Variants in SQSTM1 observed in about 807,000 individuals in gnomAD.
The protein encoded by SQSTM1 is sequestosome 1.
A neutral mutation model predicts 45.1 loss-of-function variants in SQSTM1; 36 were observed. The ratio of observed to expected loss-of-function variants is 0.80; its 90% CI spans 0.61 to 1.05. The LOEUF (loss-of-function observed/expected upper bound fraction) is 1.05, where lower values mean the gene tolerates loss of function less well. Ranked by LOEUF, SQSTM1 falls within the 50% of genes least tolerant of loss-of-function variation. The pLI is 0.00. For missense variants in SQSTM1, 617 were observed against 607.1 expected, an observed-to-expected ratio of 1.02 and a Z score of -0.17; for synonymous variants, 290 against 244.3, an observed-to-expected ratio of 1.19 and a Z score of -1.74.
intron 5 of SQSTM1, among the ~76,000 whole-genome samples, chr5:179,826,879 C>G (rs1758015590): frequency 6.6e-6 from 1 of 152,090 alleles, no homozygotes; most frequent in African/African-American, 2.4e-5. Flanking sequence ...CCGAGCCCGG[C>G]CAAGAATCAG....
Position 179,837,186 on chromosome 5 carries a change from A to G in SQSTM1, c.*593A>G. On this transcript the variant is annotated 3_prime_UTR_variant, in exon 8 of 8. Coordinates refer to ENST00000389805, the MANE Select transcript of SQSTM1 (RefSeq NM_003900.5). ...CAAACCATCAGCTGCTTTTAAAATA[A>G]GATCTCTTTGTAGCCATCCTGTTAA... 6.5e-7 allele frequency: 1 copy of G among 1,531,036 alleles called. No homozygotes were observed. Among genetic ancestry groups the G allele is most frequent in the Non-Finnish European group, 8.8e-7 (1 of 1,137,024 alleles). 94.8% of individuals were successfully genotyped at this position (1,531,036 alleles called of 1,614,324 possible). A position where few individuals can be genotyped will look rare whatever the true frequency, so the allele number is the denominator to read the frequency against.
chr5:179,836,610 C>T lies in SQSTM1; in HGVS notation c.*17C>T, dbSNP rs779531319. On this transcript the variant is annotated 3_prime_UTR_variant, in exon 8 of 8. Coordinates refer to ENST00000389805, the MANE Select transcript of SQSTM1 (RefSeq NM_003900.5). ...CCGTTGTGACCACTTTTGCCCACCT[C>T]TTCTGCGTGCCCCTCTTCTGTCTCA... The T allele has an allele frequency of 6.2e-7, 1 of 1,611,686 alleles. No homozygotes were observed. Among genetic ancestry groups the T allele is most frequent in the Admixed American group, 1.7e-5 (1 of 59,934 alleles).
At chr5:179,821,219 C>T in intron 1 of SQSTM1, 78 bp downstream of exon 1, 1 of 1,275,878 alleles carries the variant, frequency 7.8e-7, no homozygotes, top group Non-Finnish European at 1.0e-6. Flanking sequence ...TGCCCCCTCC[C>T]TTCTCGGCGA....
Position 179,821,105 on chromosome 5 carries a change from G to A in SQSTM1, c.169G>A (p.Ala57Thr). The A allele has an allele frequency of 7.1e-7, 1 of 1,412,554 alleles. No individual in the cohort carries two copies. 87.5% of individuals were successfully genotyped at this position (1,412,554 alleles called of 1,614,324 possible). The change falls in exon 1 of 8, where the codon GCG (alanine) becomes ACG (threonine). Residue 57 changes from alanine (A) to threonine (T), a missense_variant. Transcript: ENST00000389805. Reference protein sequence around the residue: ...LLSRVAALFPALRPGGFQAHY... With the variant: ...LLSRVAALFPTLRPGGFQAHY... ...GAGCCGGGTGGCCGCCCTGTTCCCCGCGCTGCGGCCTGGCGGCTTCCAGGC... is the reference window on the plus strand; with the variant it reads ...GAGCCGGGTGGCCGCCCTGTTCCCCACGCTGCGGCCTGGCGGCTTCCAGGC...
chr5:179,810,116 TATTTTTTA>T (rs965217351), intron 1 of SQSTM1, among the ~76,000 whole-genome samples: 5 of 152,146 alleles, frequency 3.3e-5, no homozygotes, highest in Non-Finnish European at 5.9e-5. Context: ...TTTAAATTTT[TATTTTTTA>T]ATTTTTTATT....
At chr5:179,822,712 G>T in intron 1 of SQSTM1, 1 of 544,064 alleles carries the variant, frequency 1.8e-6, no homozygotes, top group Non-Finnish European at 3.4e-6. Flanking sequence ...TGCTGCCCCT[G>T]TGCACAGGCC....
At chr5:179,811,041 G>A (rs1002140006) in intron 1 of SQSTM1, among the ~76,000 whole-genome samples, 3 of 152,162 alleles carry the variant, frequency 2.0e-5, no homozygotes, top group African/African-American at 7.2e-5. Flanking sequence ...AGGAGACCGA[G>A]ACCATCTTAG....
At chr5:179,810,392 GT>G (rs1236833959) in intron 1 of SQSTM1, among the ~76,000 whole-genome samples, 3 of 152,112 alleles carry the variant, frequency 2.0e-5, no homozygotes, top group African/African-American at 7.2e-5. Context: ...CCTTGTGATA[GT>G]TTGCTCAGAA....
rs912298908 is a variant in SQSTM1, at chr5:179,832,947, C to T, written c.755-85C>T. 4 of 1,353,788 alleles carry T rather than the reference C, an allele frequency of 3.0e-6. No individual in the cohort carries two copies. In the African/African-American group the frequency reaches 4.3e-5, roughly 15 times the overall value. 83.9% of individuals were successfully genotyped at this position (1,353,788 alleles called of 1,614,324 possible). On this transcript the variant is annotated intron_variant, in intron 5 of 7. Coordinates refer to ENST00000389805, the MANE Select transcript of SQSTM1 (RefSeq NM_003900.5). ...ACTGAACGTTGAGATCTTCGTGAGTCTGTAGTCTCCACAGGCCAAGCTCCT... is the reference window on the plus strand; with the variant it reads ...ACTGAACGTTGAGATCTTCGTGAGTTTGTAGTCTCCACAGGCCAAGCTCCT...
chr5:179,809,736 C>CG (rs1450253138), intron 1 of SQSTM1, among the ~76,000 whole-genome samples: 1 of 150,452 alleles, frequency 6.6e-6, no homozygotes, highest in African/African-American at 2.5e-5. Context: ...CTCCGCTTCC[C>CG]GGGTTCAAGC....
At chr5:179,816,414 G>A (rs998350560), upstream of SQSTM1, among the ~76,000 whole-genome samples, 1 of 111,530 alleles carries the variant, frequency 9.0e-6, no homozygotes, top group Non-Finnish European at 1.8e-5. Context: ...TCCCAGTGCT[G>A]GGACTACAGG....
At chr5:179,819,351 C>T (rs1230458087), upstream of SQSTM1, among the ~76,000 whole-genome samples, 5 of 151,268 alleles carry the variant, frequency 3.3e-5, no homozygotes, top group Admixed American at 3.3e-4. Context: ...TCTTCACATG[C>T]CCCTAGCCCC....
In SQSTM1 at chr5:179,836,804, G is replaced by C; in HGVS notation, c.*211G>C. 1 of 762,554 alleles carries C rather than the reference G, an allele frequency of 1.3e-6. No homozygotes were observed. Among genetic ancestry groups the C allele is most frequent in the East Asian group, 2.7e-5 (1 of 37,502 alleles). 47.2% of individuals were successfully genotyped at this position (762,554 alleles called of 1,614,324 possible). On this transcript the variant is annotated 3_prime_UTR_variant, in exon 8 of 8. Coordinates refer to ENST00000389805, the MANE Select transcript of SQSTM1 (RefSeq NM_003900.5). ...GTGCTGATGTTTCCTGGGTGCCCTG[G>C]CTCCTTGCAGCAGGGCTGGGCCTGC... is the stretch of plus-strand genomic sequence containing the variant.
At chr5:179,815,563 G>T (rs1457622801), upstream of SQSTM1, among the ~76,000 whole-genome samples, 1 of 152,144 alleles carries the variant, frequency 6.6e-6, no homozygotes, top group African/African-American at 2.4e-5. Flanking sequence ...CCAGGGGTCA[G>T]ATACTGAGAT....
chr5:179,822,062 G>A (rs1757802570), intron 1 of SQSTM1, among the ~76,000 whole-genome samples: 1 of 152,228 alleles, frequency 6.6e-6, no homozygotes, highest in South Asian at 2.1e-4. Flanking sequence ...TATTCAGTGT[G>A]AGAGCTTTTC....
rs781513907 is a variant in SQSTM1 at position 179,832,997 on chromosome 5, A to G, written c.755-35A>G. On this transcript the variant is annotated intron_variant, in intron 5 of 7. Transcript: ENST00000389805. ...TGCTTGCAGGTGCATCCTTGGGGGA[A>G]CTTCACGGCTTGCTCTTTCCTCCTC... 7 of 1,611,022 alleles carry G rather than the reference A, an allele frequency of 4.3e-6. No homozygotes were observed. In the African/African-American group the frequency reaches 5.3e-5, roughly 12 times the overall value.
At chr5:179,808,265 A>C (rs1757271746) in intron 1 of SQSTM1, 1 of 152,224 alleles carries the variant, frequency 6.6e-6, no homozygotes, top group South Asian at 2.1e-4. Flanking sequence ...GGACAGAGAG[A>C]TTGATGCCAA....
rs567116995 is a variant in SQSTM1 at position 179,835,492 on chromosome 5, C to T, written c.1166-944C>T. The T allele has an allele frequency of 4.9e-3, 779 of 157,540 alleles. 11 individuals carry two copies. The highest frequency in any genetic ancestry group is 0.017 in the African/African-American group (727 of 41,632). 9.8% of individuals were successfully genotyped at this position (157,540 alleles called of 1,614,324 possible). ...CGTGGTTAGGAGCTGGAGACCAGCC[C>T]GGCCAACACAGCGAAACCCCGTCTC... On this transcript the variant is annotated intron_variant, in intron 7 of 7. Coordinates refer to ENST00000389805, the MANE Select transcript of SQSTM1 (RefSeq NM_003900.5).
At position 179,837,214 on chromosome 5, in the gene SQSTM1, TTG is replaced by T. The variant is rs1758614917; in HGVS notation, c.*623_*624del. ...TCTCTTTGTAGCCATCCTGTTAAAT[TTG>T]TAAACAATCTAATTAAATGGCATCA... On this transcript the variant is annotated 3_prime_UTR_variant, in exon 8 of 8. Coordinates refer to ENST00000389805, the MANE Select transcript of SQSTM1 (RefSeq NM_003900.5). 1.3e-6 allele frequency: 2 copies of T among 1,580,226 alleles called. No homozygotes were observed. Among genetic ancestry groups the T allele is most frequent in the Non-Finnish European group, 1.7e-6 (2 of 1,168,622 alleles).
Sources: allele counts gnomAD v4.1 joint callset (sites outside exome capture counted in the v4.1 genomes callset), GRCh38; gene constraint gnomAD v4.1.1; transcripts MANE v1.5; gene names NCBI Gene and HGNC (gene_info 2026-07-23, HGNC 2026-07-21).